The following DOCK4 variants were observed in gnomAD, a reference collection of about 807,000 sequenced individuals.
DOCK4 encodes dedicator of cytokinesis protein 4.
In DOCK4, 97 loss-of-function variants were observed where a neutral mutation model predicts 268.1. The ratio of observed to expected loss-of-function variants is 0.36; its 90% CI spans 0.31 to 0.43. The LOEUF (loss-of-function observed/expected upper bound fraction) is 0.43. Among genes scored for constraint, DOCK4 ranks in the 20% least tolerant of loss-of-function variants. The pLI is 1.00. For missense variants in DOCK4, 2,145 were observed against 2,455.7 expected (o/e 0.87, Z 2.67); for synonymous variants, 954 against 887.2 (o/e 1.08, Z -1.34).
intron 1 of DOCK4, among the ~76,000 whole-genome samples, chr7:112,186,923 T>C (rs1417647920): frequency 1.3e-5 from 2 of 152,176 alleles, no homozygotes; most frequent in East Asian, 1.9e-4. Flanking sequence ...AAATATGCCA[T>C]GGCTATTAAA....
At chr7:111,961,081 C>A (rs1331950747) in intron 8 of DOCK4, among the ~76,000 whole-genome samples, 1 of 152,002 alleles carries the variant, frequency 6.6e-6, no homozygotes, top group African/African-American at 2.4e-5. Flanking sequence ...CACGTTTGCT[C>A]CACGTCTGCT....
At position 111,817,879 on chromosome 7, in the gene DOCK4, C is replaced by G. The variant is rs116204287; in HGVS notation, c.2930+4483G>C. On this transcript the variant is annotated intron_variant, in intron 27 of 52. Coordinates refer to ENST00000428084, the MANE Select transcript of DOCK4 (RefSeq NM_001363540.2). ...AATTACTATTTTCAGTTTCTCAACTCCTATTCACTCTAATTAGGTTTTCCT... is the reference window on the plus strand; with the variant it reads ...AATTACTATTTTCAGTTTCTCAACTGCTATTCACTCTAATTAGGTTTTCCT... Among the ~76,000 whole-genome samples the G allele has an allele frequency of 2.9e-3, 449 of 152,216 alleles. 4 individuals are homozygous for G. The highest frequency in any genetic ancestry group is 0.01 in the African/African-American group (433 of 41,516).
In DOCK4 at chr7:112,125,797, A is replaced by G. The variant is rs557436009; in HGVS notation, c.37+80305T>C. Among the ~76,000 whole-genome samples, 13 of 152,206 alleles carry G rather than the reference A, an allele frequency of 8.5e-5. 1 individual carries two copies. Among genetic ancestry groups the G allele is most frequent in the Admixed American group, 8.5e-4 (13 of 15,278 alleles). On this transcript the variant is annotated intron_variant, in intron 1 of 52. Transcript: ENST00000428084. ...ATTCTCAATAAATGGCAGGCTCATC[A>G]TCACTATTTTTTTGTTTTTTGTTTT... is the stretch of plus-strand genomic sequence containing the variant.
At chr7:111,913,345 G>C (rs1792290200) in intron 13 of DOCK4, among the ~76,000 whole-genome samples, 1 of 151,878 alleles carries the variant, frequency 6.6e-6, no homozygotes, top group Non-Finnish European at 1.5e-5. Context: ...CAAAGCAGAA[G>C]GATAACTTGA....
At chr7:111,820,166 A>C (rs1801866988) in intron 27 of DOCK4, 1 of 152,224 alleles carries the variant, frequency 6.6e-6, no homozygotes, top group Non-Finnish European at 1.5e-5. Context: ...ATGGAGGAGA[A>C]TGGTTAGAGA....
At chr7:111,944,740 A>T in intron 10 of DOCK4, 71 bp downstream of exon 10, 1 of 1,390,206 alleles carries the variant, frequency 7.2e-7, no homozygotes. Flanking sequence ...AAATCACAAC[A>T]ACATAGAAAC....
intron 1 of DOCK4, among the ~76,000 whole-genome samples, chr7:112,049,177 G>A (rs912516365): frequency 6.6e-6 from 1 of 152,106 alleles, no homozygotes. Flanking sequence ...TCAATTGACT[G>A]TTCTAACAAA....
intron 25 of DOCK4, among the ~76,000 whole-genome samples, chr7:111,838,272 G>C (rs1286993178): frequency 6.6e-6 from 1 of 151,952 alleles, no homozygotes; most frequent in Non-Finnish European, 1.5e-5. Flanking sequence ...AAAAAGAAAA[G>C]TAAAGTTGGA....
intron 17 of DOCK4, among the ~76,000 whole-genome samples, chr7:111,874,372 G>T (rs762127184): frequency 1.3e-5 from 2 of 152,122 alleles, no homozygotes; most frequent in Non-Finnish European, 2.9e-5. Context: ...ATGAGGACTA[G>T]GGCCCATTTA....
chr7:111,856,075 C>T (rs1027145979), intron 23 of DOCK4, among the ~76,000 whole-genome samples: 2 of 152,188 alleles, frequency 1.3e-5, no homozygotes, highest in Admixed American at 6.5e-5. Flanking sequence ...ACAGCAATTC[C>T]CACTACCTTG....
At position 112,066,697 on chromosome 7, in the gene DOCK4, A is replaced by ATGTATGTATGTGTGTG. The variant is rs1563052205; in HGVS notation, c.38-62567_38-62566insCACACACATACATACA. Among the ~76,000 whole-genome samples, 19 of 23,026 alleles carry ATGTATGTATGTGTGTG rather than the reference A, an allele frequency of 8.3e-4. 2 individuals carry two copies. The highest frequency in any genetic ancestry group is 2.8e-3 in the African/African-American group (19 of 6,800). The allele number at this position is 23,026 out of a possible 152,430, so 15.1% of individuals were successfully genotyped here. The stretch of plus-strand genomic sequence containing the variant: ...TATACATATATACATATACATATAT[A>ATGTATGTATGTGTGTG]TATATATATATATATATATATATAT... On this transcript the variant is annotated intron_variant, in intron 1 of 52. Transcript: ENST00000428084.
chr7:112,009,909 CAG>C (rs1271152633), intron 1 of DOCK4, among the ~76,000 whole-genome samples: 1 of 152,176 alleles, frequency 6.6e-6, no homozygotes. Context: ...CTCCACTTCC[CAG>C]GCTCAAGCCA....
At chr7:111,828,888 G>GTATA (rs144430528) in intron 26 of DOCK4, among the ~76,000 whole-genome samples, 205 of 143,272 alleles carry the variant, frequency 1.4e-3, no homozygotes, top group African/African-American at 3.8e-3. Flanking sequence ...GTGTGTGTGT[G>GTATA]TATATATATA....
rs1047674698 is a variant in DOCK4, at chr7:111,782,986, T to C, written c.3525-62A>G. 6 of 1,419,668 alleles carry C rather than the reference T, an allele frequency of 4.2e-6. No individual in the cohort carries two copies. In the African/African-American group the frequency reaches 5.8e-5, roughly 14 times the overall value. The allele number at this position is 1,419,668 out of a possible 1,614,324, so 87.9% of individuals were successfully genotyped here. Reference sequence around the variant, plus strand: ...CCTTCCTAGGGGCAAACACAGTTTGTTCTTTTTGGGGGAAAAAAAGAAAGA... The same window carrying C: ...CCTTCCTAGGGGCAAACACAGTTTGCTCTTTTTGGGGGAAAAAAAGAAAGA... On this transcript the variant is annotated intron_variant, in intron 34 of 52. Coordinates refer to ENST00000428084, the MANE Select transcript of DOCK4 (RefSeq NM_001363540.2).
At chr7:112,025,299 C>A (rs1352795591) in intron 1 of DOCK4, among the ~76,000 whole-genome samples, 1 of 152,176 alleles carries the variant, frequency 6.6e-6, no homozygotes, top group Non-Finnish European at 1.5e-5. Flanking sequence ...AGGCTCTATG[C>A]AAGGGAAATC....
chr7:112,045,576 T>C (rs1410704262), intron 1 of DOCK4, among the ~76,000 whole-genome samples: 1 of 152,212 alleles, frequency 6.6e-6, no homozygotes, highest in East Asian at 1.9e-4. Context: ...GTTATAATGA[T>C]TATTTGTCAC....
chr7:112,084,857 C>T (rs928304550), intron 1 of DOCK4, among the ~76,000 whole-genome samples: 1 of 152,030 alleles, frequency 6.6e-6, no homozygotes, highest in Admixed American at 6.6e-5. Context: ...TCACCATTAT[C>T]ACTTCAAGTT....
chr7:111,900,301 T>C (rs1004204250), intron 15 of DOCK4, 73 bp downstream of exon 15: 13 of 1,512,920 alleles, frequency 8.6e-6, no homozygotes, highest in Non-Finnish European at 1.1e-5. Flanking sequence ...TCAACCCACA[T>C]CTTCATGACA....
chr7:111,823,926 T>C (rs1802203531), intron 26 of DOCK4, among the ~76,000 whole-genome samples: 2 of 152,212 alleles, frequency 1.3e-5, no homozygotes, highest in African/African-American at 4.8e-5. Flanking sequence ...GTGGTAGCTT[T>C]ATTTTCTTTT....
Sources: allele counts gnomAD v4.1 joint callset (sites outside exome capture counted in the v4.1 genomes callset), GRCh38; gene constraint gnomAD v4.1.1; transcripts MANE v1.5; gene names NCBI Gene and HGNC (gene_info 2026-07-23, HGNC 2026-07-21).